ZFR2: variants seen among roughly 807,000 people sequenced by gnomAD.
The protein encoded by ZFR2 is zinc finger RNA-binding protein 2.
A neutral mutation model predicts 105.7 loss-of-function variants in ZFR2; 104 were observed. The observed-to-expected ratio is 0.98, with a 90% CI of 0.84 to 1.16. ZFR2 has a LOEUF of 1.16. Among genes scored for constraint, ZFR2 ranks in the 50% most tolerant of loss-of-function variants. The probability of loss-of-function intolerance (pLI) is 0.00; values close to 1 mark genes in which losing one functional copy is unlikely to be tolerated. For synonymous variants in ZFR2, 634 were observed against 597.7 expected (o/e 1.06, Z -0.89); for missense variants, 1,425 against 1,355.5 (o/e 1.05, Z -0.80).
rs899535784 is a variant in ZFR2, at chr19:3,869,031, C to G, written c.-14G>C. 224 of 1,349,104 alleles carry G rather than the reference C, an allele frequency of 1.7e-4. No individual in the cohort carries two copies. The highest frequency in any genetic ancestry group is 2.1e-4 in the Non-Finnish European group (215 of 1,041,060). The allele number at this position is 1,349,104 out of a possible 1,614,324, so 83.6% of individuals were successfully genotyped here. A position where few individuals can be genotyped will look rare whatever the true frequency, so the allele number is the denominator to read the frequency against. On this transcript the variant is annotated 5_prime_UTR_variant, in exon 1 of 19. Coordinates refer to ENST00000262961, the MANE Select transcript of ZFR2 (RefSeq NM_015174.2). ...ACTCGTCGCCATCTTGGCGTCTTCC[C>G]CGAGCCTGGCGGACCCGCGACGTCA...
At position 3,827,457 on chromosome 19, in the gene ZFR2, G is replaced by A. The variant is rs756646626; in HGVS notation, c.1035+14C>T. The A allele has an allele frequency of 2.6e-5, 39 of 1,526,836 alleles. 2 individuals are homozygous for A. In the South Asian group the frequency reaches 3.0e-4, roughly 12 times the overall value. The allele number at this position is 1,526,836 out of a possible 1,614,324, so 94.6% of individuals were successfully genotyped here. ...TCCCCAGGGTGGCAGAGCCTGGGCC[G>A]GGCGGGGCCGTACCTTCTGGTGCTT... On this transcript the variant is annotated intron_variant, in intron 6 of 18. Coordinates refer to ENST00000262961, the MANE Select transcript of ZFR2 (RefSeq NM_015174.2).
intron 9 of ZFR2, 125 bp from the exon 10 acceptor site, chr19:3,821,604 CTTTTTTTTT>C (rs56275505): frequency 0.025 from 6,208 of 244,974 alleles, no homozygotes; most frequent in Middle Eastern, 0.046. Flanking sequence ...CTCCCAAAGC[CTTTTTTTTT>C]TTTTTTTTTT....
chr19:3,863,798 G>A (rs2038399771), intron 1 of ZFR2, among the ~76,000 whole-genome samples: 2 of 152,166 alleles, frequency 1.3e-5, no homozygotes, highest in South Asian at 2.1e-4. Context: ...TGTGAGTGAG[G>A]CACTGGCCTG....
intron 8 of ZFR2, among the ~76,000 whole-genome samples, chr19:3,822,435 C>T (rs2037906445): frequency 6.6e-6 from 1 of 151,824 alleles, no homozygotes; most frequent in Non-Finnish European, 1.5e-5. Flanking sequence ...ACCTCAGCCT[C>T]CCGAGTAGCT....
chr19:3,811,282 C>A lies in ZFR2; in HGVS notation c.2327G>T (p.Arg776Met). 6.3e-7 allele frequency: 1 copy of A among 1,595,976 alleles called. No individual in the cohort carries two copies. Among genetic ancestry groups the A allele is most frequent in the Admixed American group, 1.7e-5 (1 of 57,854 alleles). ...LESLAALRHA[R>M]WFQARASGLQ... is the part of the protein sequence containing the mutation. ...CCCTGCCCCCCTGACCTGAAACCAC[C>A]TGGCATGACGGAGGGCGGCCAGGGA... The change falls in exon 15 of 19, where the codon AGG becomes ATG. Residue 776 changes from arginine to methionine, a missense_variant. Transcript: ENST00000262961.
chr19:3,867,307 G>A (rs1156369375), intron 1 of ZFR2, among the ~76,000 whole-genome samples: 3 of 151,616 alleles, frequency 2.0e-5, no homozygotes, highest in Non-Finnish European at 4.4e-5. Flanking sequence ...CAACTGTTGG[G>A]GGGGGAATCT....
intron 1 of ZFR2, among the ~76,000 whole-genome samples, chr19:3,848,094 G>A (rs1020392758): frequency 6.6e-6 from 1 of 152,206 alleles, no homozygotes; most frequent in African/African-American, 2.4e-5. Context: ...CCTTTGGACT[G>A]AGACCTGCTG....
chr19:3,867,152 G>A (rs2038440314), intron 1 of ZFR2, among the ~76,000 whole-genome samples: 1 of 151,660 alleles, frequency 6.6e-6, no homozygotes, highest in South Asian at 2.1e-4. Flanking sequence ...GGGGGGCAAA[G>A]ACCCCCCTGA....
Position 3,834,955 on chromosome 19 carries a change from T to C in ZFR2, c.82A>G (p.Thr28Ala). 1 of 1,611,604 alleles carries C rather than the reference T, an allele frequency of 6.2e-7. No individual in the cohort carries two copies. The highest frequency in any genetic ancestry group is 8.5e-7 in the Non-Finnish European group (1 of 1,179,146). ...TGTGCAGTATAGCTGGCCCCCACAG[T>C]GGGCAGGGGAAGGGTCGGAGGCTGG... ...SAQPPTLPLP[T>A]VGASYTAQPT... Residue 28 changes from threonine (T) to alanine (A), a missense_variant, in exon 2 of 19, where the codon ACT (threonine) becomes GCT (alanine). Physicochemically the swap from Thr to Ala is moderately conservative, Grantham distance 58. Transcript: ENST00000262961. The surrounding 1 kb of genome is among the most constrained non-coding windows in gnomAD (Gnocchi z 5.3).
chr19:3,853,653 T>C (rs959479150), intron 1 of ZFR2, among the ~76,000 whole-genome samples: 2 of 149,020 alleles, frequency 1.3e-5, no homozygotes, highest in Non-Finnish European at 3.0e-5. Flanking sequence ...AGGAAGGGGA[T>C]TTGTGGGTGC....
intron 1 of ZFR2, among the ~76,000 whole-genome samples, chr19:3,841,047 G>A (rs926616690): frequency 6.6e-6 from 1 of 152,180 alleles, no homozygotes; most frequent in Non-Finnish European, 1.5e-5. Flanking sequence ...TTCGCTCTAG[G>A]TTGGCCACGG....
rs538190884 is a variant in ZFR2 at position 3,863,441 on chromosome 19, T to C, written c.53+5524A>G. 3.3e-5 allele frequency among the ~76,000 whole-genome samples: 5 copies of C among 152,226 alleles called. No homozygotes were observed. The East Asian group carries it at 9.6e-4, about 29-fold the overall frequency. On this transcript the variant is annotated intron_variant, in intron 1 of 18. Coordinates refer to ENST00000262961, the MANE Select transcript of ZFR2 (RefSeq NM_015174.2). ...GGAGGGGCTCTTGTTTTTTTATTGT[T>C]TTTTGAGACAGGGTCTCTCGCTGTC...
chr19:3,815,313 C>A (rs952647558), intron 13 of ZFR2, among the ~76,000 whole-genome samples: 2 of 152,186 alleles, frequency 1.3e-5, no homozygotes, highest in Non-Finnish European at 2.9e-5. Flanking sequence ...TGGTCTCGAA[C>A]TCCGGACCTC....
At chr19:3,830,972 T>C (rs550145423) in intron 5 of ZFR2, among the ~76,000 whole-genome samples, 83 of 143,330 alleles carry the variant, frequency 5.8e-4, no homozygotes, top group Middle Eastern at 7.1e-3. Context: ...CGCACACACA[T>C]GCACACACAT....
Position 3,821,407 on chromosome 19 carries a change from T to C in ZFR2, c.1564A>G (p.Met522Val), listed in dbSNP as rs549423304. The part of the protein sequence containing the change: ...SRARKVLEER[M>V]RKQRHLAEER... The stretch of plus-strand genomic sequence containing the variant: ...TCCGCCAGGTGCCGCTGCTTCCTCA[T>C]GCGCTCCTCCAGGACCTTCCGAGCC... Residue 522 changes from methionine (M) to valine (V), a missense_variant, in exon 10 of 19, where the codon ATG becomes GTG. Met to Val is a conservative substitution (Grantham distance 21, BLOSUM62 1). Coordinates refer to ENST00000262961, the MANE Select transcript of ZFR2 (RefSeq NM_015174.2). 15 of 1,611,688 alleles carry C rather than the reference T, an allele frequency of 9.3e-6. No homozygotes were observed. The highest frequency in any genetic ancestry group is 2.2e-5 in the East Asian group (1 of 44,866).
At chr19:3,864,322 G>A (rs967260587) in intron 1 of ZFR2, among the ~76,000 whole-genome samples, 2 of 152,136 alleles carry the variant, frequency 1.3e-5, no homozygotes, top group Admixed American at 1.3e-4. Context: ...AGGCTGCAGT[G>A]AGCCAAGACT....
chr19:3,857,695 C>CA (rs11367233), intron 1 of ZFR2, among the ~76,000 whole-genome samples: 20,699 of 104,258 alleles, frequency 0.2, 2,983 homozygotes, highest in African/African-American at 0.43. Flanking sequence ...GACCCTGTCT[C>CA]AAAAAAAAAA....
At chr19:3,825,669 C>T (rs750618992) in intron 6 of ZFR2, among the ~76,000 whole-genome samples, 1 of 150,910 alleles carries the variant, frequency 6.6e-6, no homozygotes, top group Non-Finnish European at 1.5e-5. Flanking sequence ...CGTGGCTCAC[C>T]GGCTCACACG....
At chr19:3,833,405 T>C (rs1014675229) in intron 3 of ZFR2, 1 of 336,494 alleles carries the variant, frequency 3.0e-6, no homozygotes. Flanking sequence ...TGAAACCCCG[T>C]CTCTACTAAA....
Sources: gnomAD v4.1 joint callset for allele counts (sites outside exome capture counted in the v4.1 genomes callset) on GRCh38, gnomAD v4.1.1 for gene constraint, Gnocchi (gnomAD v3.1) non-coding constraint, MANE v1.5 for transcripts, NCBI Gene and HGNC (gene_info 2026-07-23, HGNC 2026-07-21) for gene names.